The following NDUFA8 variants were observed in gnomAD, a reference collection of about 807,000 sequenced individuals.
The protein encoded by NDUFA8 is NADH dehydrogenase [ubiquinone] 1 alpha subcomplex subunit 8.
NDUFA8 carries 16 observed loss-of-function variants against 20.9 expected under a neutral mutation model. The observed-to-expected ratio is 0.77, with a 90% CI of 0.52 to 1.16. The LOEUF (loss-of-function observed/expected upper bound fraction) is 1.16. NDUFA8 is among the 50% of genes most tolerant of loss of function. NDUFA8 has a pLI of 0.00. For synonymous variants in NDUFA8, 70 were observed against 76.1 expected (o/e 0.92, Z 0.41); for missense variants, 202 against 216.4 (o/e 0.93, Z 0.42).
the NDUFA8 span, among the ~76,000 whole-genome samples, chr9:122,137,261 G>C: frequency 1.2e-4 from 3 of 24,652 alleles, no homozygotes; most frequent in South Asian, 1.2e-3. Flanking sequence ...TTTTTTTTGA[G>C]ACAGAGTCTC....
At position 122,159,628 on chromosome 9, in the gene NDUFA8, T is replaced by C; in HGVS notation, c.50A>G (p.Glu17Gly). The change falls in exon 1 of 4, where the codon GAG (glutamate) becomes GGG (glycine). Residue 17 changes from glutamate to glycine, a missense_variant and splice_region_variant. Coordinates refer to ENST00000373768, the MANE Select transcript of NDUFA8 (RefSeq NM_014222.3). ...LPTLEELKVD[E>G]VKISSAVLKA... ...TGCCTGTCCTCCGGATAGCCTCACC[T>C]CATCTACTTTCAGCTCCTCTAGAGT... 1 of 1,614,024 alleles carries C rather than the reference T, an allele frequency of 6.2e-7. No individual in the cohort carries two copies. The highest frequency in any genetic ancestry group is 8.5e-7 in the Non-Finnish European group (1 of 1,179,970).
the NDUFA8 span, among the ~76,000 whole-genome samples, chr9:122,138,686 T>G: frequency 6.6e-6 from 1 of 152,114 alleles, no homozygotes. Context: ...AAGATACAAC[T>G]GCAAAGGAGA....
downstream of NDUFA8, among the ~76,000 whole-genome samples, chr9:122,142,126 T>C (rs1264336616): frequency 3.3e-5 from 5 of 152,346 alleles, no homozygotes; most frequent in Admixed American, 2.0e-4. Context: ...GTGTGATCTA[T>C]GGACCAGTGC....
chr9:122,150,030 T>C (rs999444444), intron 2 of NDUFA8, among the ~76,000 whole-genome samples: 4 of 151,790 alleles, frequency 2.6e-5, no homozygotes, highest in Non-Finnish European at 4.4e-5. Context: ...TCAATGCAAA[T>C]TGAAACATCC....
At chr9:122,143,827 A>C (rs1263966601), downstream of NDUFA8, among the ~76,000 whole-genome samples, 1 of 152,110 alleles carries the variant, frequency 6.6e-6, no homozygotes. Context: ...AAGGAAAGAG[A>C]GCTGAGACTT....
At position 122,148,210 on chromosome 9, in the gene NDUFA8, G is replaced by C. The variant is rs143938665; in HGVS notation, c.283C>G (p.Gln95Glu). Residue 95 changes from glutamine to glutamate, a missense_variant, in exon 3 of 4, where the codon CAG becomes GAG. Physicochemically the swap from Gln to Glu is conservative, Grantham distance 29. Transcript: ENST00000373768. ...YWTCIDYTGQQLFRHCRKQQA... is the reference protein window; with the variant it reads ...YWTCIDYTGQELFRHCRKQQA... Reference sequence around the variant, plus strand: ...TGTTTGCGACAGTGACGAAATAACTGCTGGCCAGTATAATCAATGCAAGTC... The same window carrying C: ...TGTTTGCGACAGTGACGAAATAACTCCTGGCCAGTATAATCAATGCAAGTC... 16 of 1,614,040 alleles carry C rather than the reference G, an allele frequency of 9.9e-6. No individual in the cohort carries two copies. In the African/African-American group the frequency reaches 1.6e-4, roughly 16 times the overall value.
rs182884708 is a variant in NDUFA8, at chr9:122,150,899, G to A, written c.215+1346C>T. ...AGACATGTGACTCGCTTGAAGCCAGGAGGCAGAGGTTGCAGTGAGCCAAGA... is the reference window on the plus strand; with the variant it reads ...AGACATGTGACTCGCTTGAAGCCAGAAGGCAGAGGTTGCAGTGAGCCAAGA... On this transcript the variant is annotated intron_variant, in intron 2 of 3. Coordinates refer to ENST00000373768, the MANE Select transcript of NDUFA8 (RefSeq NM_014222.3). Among the ~76,000 whole-genome samples, 118 of 145,962 alleles carry A rather than the reference G, an allele frequency of 8.1e-4. 1 individual carries two copies. The East Asian group carries it at 0.019, about 24-fold the overall frequency.
downstream of NDUFA8, among the ~76,000 whole-genome samples, chr9:122,142,335 A>G (rs902582204): frequency 2.0e-5 from 3 of 152,090 alleles, no homozygotes; most frequent in African/African-American, 7.2e-5. Context: ...TTGCTTCCTC[A>G]TGTCTAAAAT....
the NDUFA8 span, chr9:122,133,094 G>A: frequency 4.4e-6 from 2 of 449,858 alleles, no homozygotes; most frequent in Non-Finnish European, 9.0e-6. Flanking sequence ...TTTCATGGGT[G>A]AGGAAATGAA....
In NDUFA8 at chr9:122,147,617, A is replaced by ATTTTT. The variant is rs34576446; in HGVS notation, c.381+490_381+494dup. Among the ~76,000 whole-genome samples, 297 of 106,764 alleles carry ATTTTT rather than the reference A, an allele frequency of 2.8e-3. 5 individuals carry two copies. Among genetic ancestry groups the ATTTTT allele is most frequent in the African/African-American group, 3.7e-3 (98 of 26,380 alleles). The allele number at this position is 106,764 out of a possible 152,430, so 70.0% of individuals were successfully genotyped here. A position where few individuals can be genotyped will look rare whatever the true frequency, so the allele number is the denominator to read the frequency against. On this transcript the variant is annotated intron_variant, in intron 3 of 3. Transcript: ENST00000373768. Reference sequence around the variant, plus strand: ...TGCACATGCTAGAAGGCCTAAAGAAATTTTTTTTTTTTTTTTTTTTTTTGA... The same window carrying ATTTTT: ...TGCACATGCTAGAAGGCCTAAAGAAATTTTTTTTTTTTTTTTTTTTTTTTTTTTGA...
chr9:122,143,567 G>A (rs1201187796), downstream of NDUFA8, among the ~76,000 whole-genome samples: 3 of 152,180 alleles, frequency 2.0e-5, no homozygotes, highest in East Asian at 1.9e-4. Context: ...TGGCTTTGGA[G>A]CTGGAAGTTC....
the NDUFA8 span, among the ~76,000 whole-genome samples, chr9:122,135,180 C>T: frequency 6.6e-6 from 1 of 152,212 alleles, no homozygotes; most frequent in African/African-American, 2.4e-5. Flanking sequence ...CACCTTGCCT[C>T]AAAACCCCCT....
chr9:122,146,157 C>CA (rs994842367), intron 3 of NDUFA8, among the ~76,000 whole-genome samples: 1 of 151,402 alleles, frequency 6.6e-6, no homozygotes, highest in African/African-American at 2.4e-5. Context: ...AAAAGAAAAA[C>CA]AAAAAAAATG....
At chr9:122,159,447 G>A (rs971723904) in intron 1 of NDUFA8, among the ~76,000 whole-genome samples, 180 bp downstream of exon 1, 7 of 152,178 alleles carry the variant, frequency 4.6e-5, no homozygotes, top group African/African-American at 1.7e-4. Context: ...GGGTGGGGTA[G>A]AGAGGGGAGG....
chr9:122,149,037 GAATAA>G (rs1356291507), intron 2 of NDUFA8, among the ~76,000 whole-genome samples: 1 of 152,104 alleles, frequency 6.6e-6, no homozygotes, highest in Non-Finnish European at 1.5e-5. Flanking sequence ...GTTCAAGCAA[GAATAA>G]AATATCATCA....
the NDUFA8 span, among the ~76,000 whole-genome samples, chr9:122,137,906 C>A: frequency 1.2e-4 from 19 of 152,320 alleles, no homozygotes; most frequent in South Asian, 2.1e-4. Flanking sequence ...CCCAGCATAG[C>A]AGCCCAGCTT....
downstream of NDUFA8, among the ~76,000 whole-genome samples, chr9:122,140,529 G>A (rs1245057608): frequency 6.6e-6 from 1 of 152,210 alleles, no homozygotes; most frequent in African/African-American, 2.4e-5. Flanking sequence ...GGGTTTGGAA[G>A]TCCTCTGGAA....
In NDUFA8 at chr9:122,152,331, A is replaced by T. The variant is rs199624598; in HGVS notation, c.129T>A (p.Phe43Leu). ...GAQCDKPNKE[F>L]MLCRWEEKDP... ...CTTTCTCTTCCCAGCGGCAGAGCAT[A>T]AACTCCTTGTTGGGCTTATCACATT... Residue 43 changes from phenylalanine (F) to leucine (L), a missense_variant, in exon 2 of 4, where the codon TTT (phenylalanine) becomes TTA (leucine). By Grantham distance (22) the Phe-to-Leu change is conservative. Coordinates refer to ENST00000373768, the MANE Select transcript of NDUFA8 (RefSeq NM_014222.3). 4 of 1,614,158 alleles carry T rather than the reference A, an allele frequency of 2.5e-6. No individual in the cohort carries two copies. The highest frequency in any genetic ancestry group is 3.4e-6 in the Non-Finnish European group (4 of 1,180,030).
At chr9:122,147,234 T>C (rs189053208) in intron 3 of NDUFA8, among the ~76,000 whole-genome samples, 1 of 148,170 alleles carries the variant, frequency 6.7e-6, no homozygotes, top group East Asian at 2.0e-4. Context: ...GCAGGAACAA[T>C]GAGAGGATTA....
Sources: allele counts gnomAD v4.1 joint callset (sites outside exome capture counted in the v4.1 genomes callset), GRCh38; gene constraint gnomAD v4.1.1; transcripts MANE v1.5; gene names NCBI Gene and HGNC (gene_info 2026-07-23, HGNC 2026-07-21).